RGS6: variants seen among roughly 807,000 people sequenced by gnomAD.
RGS6 encodes regulator of G-protein signaling 6.
RGS6 carries 30 observed loss-of-function variants against 78.5 expected under a neutral mutation model. The observed-to-expected ratio is 0.38, with a 90% CI of 0.29 to 0.52. The LOEUF is 0.52. Among genes scored for constraint, RGS6 ranks in the 20% least tolerant of loss-of-function variants. The pLI, the probability that RGS6 is intolerant of heterozygous loss-of-function variation, is 0.85. For synonymous variants in RGS6, 206 were observed against 206.0 expected (o/e 1.00, Z 0.00); for missense variants, 495 against 609.7 (o/e 0.81, Z 1.98).
chr14:72,462,690 G>A lies in RGS6; in HGVS notation c.394+3007G>A, dbSNP rs114880569. Among the ~76,000 whole-genome samples, 1,037 of 152,178 alleles carry A rather than the reference G, an allele frequency of 6.8e-3. 6 individuals are homozygous for A. The highest frequency in any genetic ancestry group is 0.024 in the African/African-American group (992 of 41,544). ...GAGTGACTGAATGAATAAATGGATCGGTGAATGTCATAGAGGAAACTCTGC... is the reference window on the plus strand; with the variant it reads ...GAGTGACTGAATGAATAAATGGATCAGTGAATGTCATAGAGGAAACTCTGC... On this transcript the variant is annotated intron_variant, in intron 6 of 17. Transcript: ENST00000553525.
At chr14:71,880,970 C>T in the RGS6 span, among the ~76,000 whole-genome samples, 1 of 152,342 alleles carries the variant, frequency 6.6e-6, no homozygotes, top group East Asian at 1.9e-4. Flanking sequence ...GTGTACCCTG[C>T]AAAGCCACAG....
At chr14:71,990,075 C>T (rs552694486) in intron 2 of RGS6, among the ~76,000 whole-genome samples, 4 of 152,138 alleles carry the variant, frequency 2.6e-5, no homozygotes, top group South Asian at 2.1e-4. Context: ...GAAGTGAGTA[C>T]GTGTGAAGAG....
chr14:72,424,297 T>C (rs2094338519), intron 3 of RGS6, among the ~76,000 whole-genome samples: 1 of 152,116 alleles, frequency 6.6e-6, no homozygotes, highest in Admixed American at 6.6e-5. Flanking sequence ...TGGGGGTAAG[T>C]TTTCTGGAAA....
chr14:71,978,895 G>T (rs546267311), intron 2 of RGS6, among the ~76,000 whole-genome samples: 79 of 144,648 alleles, frequency 5.5e-4, no homozygotes, highest in African/African-American at 1.8e-3. Context: ...TCTGGTCCTG[G>T]ACTCTTTTTG....
chr14:72,028,355 GAAAT>G (rs903276272), intron 2 of RGS6, among the ~76,000 whole-genome samples: 2 of 152,198 alleles, frequency 1.3e-5, no homozygotes, highest in African/African-American at 2.4e-5. Context: ...CCAGTAGCAG[GAAAT>G]AAAAGACAAA....
intron 2 of RGS6, among the ~76,000 whole-genome samples, chr14:72,264,783 G>A (rs886691507): frequency 5.9e-5 from 9 of 152,204 alleles, no homozygotes; most frequent in South Asian, 2.1e-4. Context: ...GGGCAGAATC[G>A]ATTCTAGTTT....
chr14:72,397,639 G>A (rs1473638104), intron 3 of RGS6, among the ~76,000 whole-genome samples: 1 of 152,144 alleles, frequency 6.6e-6, no homozygotes, highest in Non-Finnish European at 1.5e-5. Flanking sequence ...GTTTCCAAAG[G>A]GAATGCTTCC....
intron 3 of RGS6, among the ~76,000 whole-genome samples, chr14:72,382,975 T>C (rs2086593339): frequency 6.6e-6 from 1 of 151,902 alleles, no homozygotes; most frequent in South Asian, 2.1e-4. Context: ...AATGTTTAGG[T>C]GTGGAGGTAC....
chr14:72,348,410 G>T (rs2078466265), intron 2 of RGS6, among the ~76,000 whole-genome samples: 1 of 152,112 alleles, frequency 6.6e-6, no homozygotes, highest in Non-Finnish European at 1.5e-5. Flanking sequence ...AATACTTAGG[G>T]CAGTATTGAT....
chr14:72,056,189 G>T (rs1048828165), intron 2 of RGS6, among the ~76,000 whole-genome samples: 1 of 152,112 alleles, frequency 6.6e-6, no homozygotes, highest in African/African-American at 2.4e-5. Flanking sequence ...TTTACAGATG[G>T]GGGGATGTGA....
At chr14:72,362,254 G>A (rs904616563) in intron 3 of RGS6, among the ~76,000 whole-genome samples, 4 of 152,170 alleles carry the variant, frequency 2.6e-5, no homozygotes, top group Non-Finnish European at 4.4e-5. Context: ...CATAATAGAA[G>A]AATGGACAAA....
At chr14:71,904,364 T>C in the RGS6 span, among the ~76,000 whole-genome samples, 3 of 152,176 alleles carry the variant, frequency 2.0e-5, no homozygotes, top group African/African-American at 7.2e-5. Flanking sequence ...GTTACTCCAA[T>C]TAGAGGTAGC....
chr14:71,922,650 G>A, the RGS6 span, among the ~76,000 whole-genome samples: 1 of 152,154 alleles, frequency 6.6e-6, no homozygotes, highest in East Asian at 1.9e-4. Context: ...CCATTTTTCT[G>A]TTCCAGATTC....
chr14:72,000,238 A>G (rs1173550228), intron 2 of RGS6, among the ~76,000 whole-genome samples: 1 of 152,228 alleles, frequency 6.6e-6, no homozygotes, highest in Non-Finnish European at 1.5e-5. Context: ...TCTTTACATG[A>G]GGATGCAAAG....
chr14:72,232,018 T>C (rs2049765428), intron 2 of RGS6, among the ~76,000 whole-genome samples: 1 of 152,146 alleles, frequency 6.6e-6, no homozygotes, highest in African/African-American at 2.4e-5. Context: ...TGAGGCTGTA[T>C]GAAGGGATAC....
chr14:72,510,096 T>C, intron 13 of RGS6, 58 bp from the exon 14 acceptor site: 5 of 1,520,622 alleles, frequency 3.3e-6, no homozygotes, highest in Non-Finnish European at 4.4e-6. Flanking sequence ...GAAGAGAATA[T>C]GACACGAGCT....
At chr14:72,424,867 G>A (rs914220765) in intron 3 of RGS6, among the ~76,000 whole-genome samples, 2 of 152,164 alleles carry the variant, frequency 1.3e-5, no homozygotes, top group African/African-American at 2.4e-5. Context: ...TCAATAGAGT[G>A]GAATGTGTTT....
intron 2 of RGS6, among the ~76,000 whole-genome samples, chr14:72,294,811 A>T (rs948215930): frequency 4.6e-5 from 7 of 152,120 alleles, no homozygotes; most frequent in African/African-American, 1.7e-4. Context: ...TTCACGAAGG[A>T]TCCACCACTA....
At chr14:72,558,964 C>T (rs1022288137) in intron 17 of RGS6, among the ~76,000 whole-genome samples, 2 of 152,172 alleles carry the variant, frequency 1.3e-5, no homozygotes, top group Non-Finnish European at 2.9e-5. Context: ...GAGCTGGCTG[C>T]GGTTTCCTGG....
Sources: gnomAD v4.1 joint callset for allele counts (sites outside exome capture counted in the v4.1 genomes callset) on GRCh38, gnomAD v4.1.1 for gene constraint, MANE v1.5 for transcripts, NCBI Gene and HGNC (gene_info 2026-07-23, HGNC 2026-07-21) for gene names.